Variants in SPATA17 observed in about 807,000 individuals in gnomAD.
SPATA17 encodes spermatogenesis-associated protein 17.
Under a neutral mutation model 62.2 loss-of-function variants are expected in SPATA17, and 53 were observed. The ratio of observed to expected loss-of-function variants is 0.85; its 90% CI spans 0.68 to 1.07. The LOEUF (loss-of-function observed/expected upper bound fraction) is 1.07. Among genes scored for constraint, SPATA17 ranks in the 50% least tolerant of loss-of-function variants. The probability of loss-of-function intolerance (pLI) is 0.00; values close to 1 mark genes in which losing one functional copy is unlikely to be tolerated. For missense variants in SPATA17, 466 were observed against 425.5 expected (o/e 1.10, Z -0.84); for synonymous variants, 146 against 146.8 (o/e 0.99, Z 0.04).
chr1:217,755,532 G>T (rs997401314), intron 6 of SPATA17, among the ~76,000 whole-genome samples: 2 of 151,790 alleles, frequency 1.3e-5, no homozygotes, highest in African/African-American at 4.8e-5. Flanking sequence ...ACATCTACAA[G>T]GTGCTTACAT....
chr1:217,708,650 C>G (rs1387019355), intron 5 of SPATA17, among the ~76,000 whole-genome samples: 3 of 151,814 alleles, frequency 2.0e-5, no homozygotes, highest in African/African-American at 7.3e-5. Flanking sequence ...ACCATTCCTA[C>G]AAAAACTATT....
intron 5 of SPATA17, among the ~76,000 whole-genome samples, chr1:217,708,335 CA>C (rs1423890365): frequency 6.6e-6 from 1 of 151,944 alleles, no homozygotes; most frequent in Non-Finnish European, 1.5e-5. Context: ...AGAGAAGATA[CA>C]AATAAATAAA....
chr1:217,668,362 T>C (rs1368436053), intron 3 of SPATA17, among the ~76,000 whole-genome samples: 1 of 152,218 alleles, frequency 6.6e-6, no homozygotes, highest in Non-Finnish European at 1.5e-5. Context: ...TATGTAGATG[T>C]GTCTTTACTA....
At chr1:217,646,244 C>T (rs1670178863) in intron 1 of SPATA17, among the ~76,000 whole-genome samples, 1 of 152,132 alleles carries the variant, frequency 6.6e-6, no homozygotes. Flanking sequence ...CCTTAGTGAA[C>T]ATCCCTAAAG....
chr1:217,696,678 A>G (rs1671469140), intron 5 of SPATA17, among the ~76,000 whole-genome samples: 1 of 152,088 alleles, frequency 6.6e-6, no homozygotes, highest in African/African-American at 2.4e-5. Flanking sequence ...TTTGTATCAT[A>G]TTTCCTGATT....
intron 9 of SPATA17, chr1:217,850,673 A>G: frequency 6.7e-7 from 1 of 1,492,772 alleles, no homozygotes; most frequent in Non-Finnish European, 9.2e-7. Context: ...GCGAATCGCC[A>G]GTCATGTCCA....
At chr1:217,864,365 G>A (rs1178169219) in intron 10 of SPATA17, among the ~76,000 whole-genome samples, 2 of 152,114 alleles carry the variant, frequency 1.3e-5, no homozygotes, top group Admixed American at 6.5e-5. Flanking sequence ...GTACTATGCA[G>A]ACAGTAAAAT....
chr1:217,689,767 T>G (rs1336031720), intron 5 of SPATA17, among the ~76,000 whole-genome samples: 2 of 152,182 alleles, frequency 1.3e-5, no homozygotes, highest in Admixed American at 6.5e-5. Flanking sequence ...GCATTCTCAT[T>G]TTAACTCTGC....
At chr1:217,846,344 A>T (rs774459941) in intron 9 of SPATA17, among the ~76,000 whole-genome samples, 1 of 152,242 alleles carries the variant, frequency 6.6e-6, no homozygotes, top group South Asian at 2.1e-4. Context: ...TCAGTCTAGC[A>T]TATTAATATG....
intron 5 of SPATA17, among the ~76,000 whole-genome samples, chr1:217,737,070 T>A (rs556574214): frequency 4.6e-4 from 70 of 152,280 alleles, no homozygotes; most frequent in African/African-American, 1.6e-3. Flanking sequence ...AATACTGAAT[T>A]TAGGCAACAT....
At position 217,869,848 on chromosome 1, in the gene SPATA17, T is replaced by G. The variant is rs1031458159; in HGVS notation, c.*2829T>G. 6.6e-6 allele frequency: 1 copy of G among 151,918 alleles called. No individual in the cohort carries two copies. The highest frequency in any genetic ancestry group is 2.4e-5 in the African/African-American group (1 of 41,326). 9.4% of individuals were successfully genotyped at this position (151,918 alleles called of 1,614,324 possible). A position where few individuals can be genotyped will look rare whatever the true frequency, so the allele number is the denominator to read the frequency against. On this transcript the variant is annotated 3_prime_UTR_variant, in exon 11 of 11. Transcript: ENST00000366933. ...CAAGAAGAGGGGTCCATGCAGATGT[T>G]TGGAGGGGGGGGTCTTAAAGCTTTA...
chr1:217,659,946 A>G (rs888506165), intron 3 of SPATA17, among the ~76,000 whole-genome samples: 1 of 152,216 alleles, frequency 6.6e-6, no homozygotes, highest in African/African-American at 2.4e-5. Context: ...CTTGCTTTTT[A>G]ACATGACATG....
chr1:217,818,321 G>C (rs1164268740), intron 9 of SPATA17, among the ~76,000 whole-genome samples: 2 of 152,018 alleles, frequency 1.3e-5, no homozygotes, highest in Non-Finnish European at 2.9e-5. Context: ...CATTTATACA[G>C]TCAATCATCA....
At chr1:217,656,577 T>A (rs1042210944) in intron 3 of SPATA17, among the ~76,000 whole-genome samples, 1 of 152,010 alleles carries the variant, frequency 6.6e-6, no homozygotes, top group Non-Finnish European at 1.5e-5. Flanking sequence ...TATGTATGTA[T>A]GTATTTATTT....
chr1:217,733,128 C>A (rs1307991381), intron 5 of SPATA17, among the ~76,000 whole-genome samples: 1 of 152,066 alleles, frequency 6.6e-6, no homozygotes, highest in African/African-American at 2.4e-5. Flanking sequence ...TTTGTATGAT[C>A]ATACTAAAGT....
chr1:217,821,727 T>C (rs1445522030), intron 9 of SPATA17, among the ~76,000 whole-genome samples: 1 of 152,118 alleles, frequency 6.6e-6, no homozygotes, highest in African/African-American at 2.4e-5. Flanking sequence ...TATGCTGTTA[T>C]GTGGATATCA....
chr1:217,870,899 T>A lies in SPATA17; in HGVS notation c.*3880T>A, dbSNP rs1676116142. The A allele has an allele frequency of 6.6e-6, 1 of 152,146 alleles. No individual in the cohort carries two copies. The highest frequency in any genetic ancestry group is 2.1e-4 in the South Asian group (1 of 4,832). 9.4% of individuals were successfully genotyped at this position (152,146 alleles called of 1,614,324 possible). A position where few individuals can be genotyped will look rare whatever the true frequency, so the allele number is the denominator to read the frequency against. ...ATCTAACAGAATACCTGGCATAAAG[T>A]GAAATCCATCGAATGTGCTAATGAT... is the stretch of plus-strand genomic sequence containing the variant. On this transcript the variant is annotated 3_prime_UTR_variant, in exon 11 of 11. Transcript: ENST00000366933.
intron 5 of SPATA17, among the ~76,000 whole-genome samples, chr1:217,702,558 G>T (rs1671623695): frequency 6.6e-6 from 1 of 152,052 alleles, no homozygotes; most frequent in Non-Finnish European, 1.5e-5. Context: ...AATTACTTTG[G>T]TTTTTACTTT....
chr1:217,753,349 T>A (rs763178307), intron 6 of SPATA17, among the ~76,000 whole-genome samples: 5 of 152,204 alleles, frequency 3.3e-5, no homozygotes, highest in Non-Finnish European at 7.3e-5. Flanking sequence ...GTGCTATACA[T>A]AATCATCGGC....
Sources: gnomAD v4.1 joint callset for allele counts (sites outside exome capture counted in the v4.1 genomes callset) on GRCh38, gnomAD v4.1.1 for gene constraint, MANE v1.5 for transcripts, NCBI Gene and HGNC (gene_info 2026-07-23, HGNC 2026-07-21) for gene names.